The following NFIX variants were observed in gnomAD, a reference collection of about 807,000 sequenced individuals.
NFIX encodes nuclear factor I X.
A neutral mutation model predicts 53.3 loss-of-function variants in NFIX; 2 were observed. That is an observed-to-expected ratio of 0.04 (90% CI 0.02 to 0.12). The LOEUF (loss-of-function observed/expected upper bound fraction) is 0.12. Ranked by LOEUF, NFIX falls within the 10% of genes least tolerant of loss-of-function variation. NFIX has a pLI of 1.00. For synonymous variants in NFIX, 244 were observed against 289.0 expected, an observed-to-expected ratio of 0.84 and a Z score of 1.58; for missense variants, 310 against 674.5, an observed-to-expected ratio of 0.46 and a Z score of 5.99.
Position 13,052,325 on chromosome 19 carries a change from CAG to C in NFIX, c.560-20719_560-20718del, listed in dbSNP as rs1176676140. ...CAGGAATGGAGCCATCCTTAGGAGA[CAG>C]AGGCACACTGCTGGCCATCTAGGCT... On this transcript the variant is annotated intron_variant, in intron 2 of 10. Coordinates refer to ENST00000592199, the MANE Select transcript of NFIX (RefSeq NM_001365902.3). The surrounding 1 kb of genome is among the most constrained non-coding windows in gnomAD (Gnocchi z 5.2). Among the ~76,000 whole-genome samples, 1 of 152,186 alleles carries C rather than the reference CAG, an allele frequency of 6.6e-6. No homozygotes were observed. The highest frequency in any genetic ancestry group is 1.5e-5 in the Non-Finnish European group (1 of 68,040).
chr19:13,055,179 C>G (rs2145336551), intron 2 of NFIX, among the ~76,000 whole-genome samples: 1 of 152,164 alleles, frequency 6.6e-6, no homozygotes, highest in Non-Finnish European at 1.5e-5. Context: ...GAGGACCTGT[C>G]TGTGCCCTCC....
chr19:12,995,798 G>T lies in NFIX; in HGVS notation c.-40G>T. The T allele has an allele frequency of 1.0e-6, 1 of 967,246 alleles. No homozygotes were observed. Among genetic ancestry groups the T allele is most frequent in the East Asian group, 1.1e-4 (1 of 9,006 alleles). The allele number at this position is 967,246 out of a possible 1,614,324, so 59.9% of individuals were successfully genotyped here. A position where few individuals can be genotyped will look rare whatever the true frequency, so the allele number is the denominator to read the frequency against. ...GCCGCCGCCTGCCGGGCCTCCCCTCGCCGCGGCCGGCCGCCGCGCTCCCGC... is the reference window on the plus strand; with the variant it reads ...GCCGCCGCCTGCCGGGCCTCCCCTCTCCGCGGCCGGCCGCCGCGCTCCCGC... On this transcript the variant is annotated 5_prime_UTR_variant, in exon 1 of 11. Coordinates refer to ENST00000592199, the MANE Select transcript of NFIX (RefSeq NM_001365902.3).
At chr19:13,070,705 G>A (rs2016724117) in intron 2 of NFIX, 1 of 152,436 alleles carries the variant, frequency 6.6e-6, no homozygotes. Context: ...GCAGCGCCCG[G>A]AGGCGCGTGG....
rs1393769453 is a variant in NFIX, at chr19:13,088,129, A to G, written c.1395A>G (p.Pro465=). Residue 465 remains proline, a synonymous_variant, in exon 9 of 11, where the codon CCA becomes CCG. Transcript: ENST00000592199. This position sits in a 1 kb window ranked among gnomAD's most constrained non-coding sequence, Gnocchi z 5.9. ...CAGACGGCGCCGCCTTGACTCCTCC[A>G]TCACCTTGTAAGTGGACGATGAAAC... is the stretch of plus-strand genomic sequence containing the variant. The part of the protein sequence containing the change: ...TAPDGAALTP[P]SPSFATTGAS... The G allele has an allele frequency of 5.2e-6, 8 of 1,536,454 alleles. No individual in the cohort carries two copies. In the East Asian group the frequency reaches 7.3e-5, roughly 14 times the overall value.
intron 1 of NFIX, among the ~76,000 whole-genome samples, chr19:13,016,827 G>A (rs2012696999): frequency 6.6e-6 from 1 of 152,020 alleles, no homozygotes; most frequent in African/African-American, 2.4e-5. Context: ...AGCCCTTGCC[G>A]GGCTCCTTCC....
rs1000377521 is a variant in NFIX at position 13,038,203 on chromosome 19, G to A, written c.559+12651G>A. On this transcript the variant is annotated intron_variant, in intron 2 of 10. Coordinates refer to ENST00000592199, the MANE Select transcript of NFIX (RefSeq NM_001365902.3). ...ACAGTGCTGACAGCAAGCCCTGCCA[G>A]GCAGTATGGTATTGGTGTGGATCCT... Among the ~76,000 whole-genome samples the A allele has an allele frequency of 2.0e-5, 3 of 152,308 alleles. No homozygotes were observed. The South Asian group carries it at 6.2e-4, about 32-fold the overall frequency.
At position 13,090,421 on chromosome 19, in the gene NFIX, G is replaced by A; in HGVS notation, c.1494+31G>A. The A allele has an allele frequency of 6.3e-7, 1 of 1,594,380 alleles. No individual in the cohort carries two copies. The highest frequency in any genetic ancestry group is 1.1e-5 in the South Asian group (1 of 90,682). On this transcript the variant is annotated intron_variant, in intron 10 of 10. Transcript: ENST00000592199. The surrounding 1 kb of genome is among the most constrained non-coding windows in gnomAD (Gnocchi z 6.6). Reference sequence around the variant, plus strand: ...AGACCCTGCCCACCACCTGGATGCAGGGACCAGGGGAGTAGTCAGGGTTGG... The same window carrying A: ...AGACCCTGCCCACCACCTGGATGCAAGGACCAGGGGAGTAGTCAGGGTTGG...
intron 10 of NFIX, among the ~76,000 whole-genome samples, chr19:13,092,218 A>G (rs1599885184): frequency 6.6e-6 from 1 of 152,370 alleles, no homozygotes; most frequent in Non-Finnish European, 1.5e-5. Flanking sequence ...GAATGAGGGA[A>G]GAAAAGAGAA....
intron 2 of NFIX, among the ~76,000 whole-genome samples, chr19:13,035,969 G>A (rs1221115338): frequency 6.6e-6 from 1 of 152,216 alleles, no homozygotes; most frequent in African/African-American, 2.4e-5. Flanking sequence ...ATTCCTGGGA[G>A]GAGTGACCAA....
intron 2 of NFIX, among the ~76,000 whole-genome samples, chr19:13,054,265 G>A (rs1446570789): frequency 6.6e-6 from 1 of 152,212 alleles, no homozygotes; most frequent in African/African-American, 2.4e-5. Context: ...TGACTTTGGT[G>A]GGTTTCGCCG....
Position 13,052,306 on chromosome 19 carries a change from T to C in NFIX, c.560-20741T>C, listed in dbSNP as rs2015377819. ...AGATGTGCTCTTTTGTCTCCAGGAA[T>C]GGAGCCATCCTTAGGAGACAGAGGC... On this transcript the variant is annotated intron_variant, in intron 2 of 10. Coordinates refer to ENST00000592199, the MANE Select transcript of NFIX (RefSeq NM_001365902.3). The surrounding 1 kb of genome is among the most constrained non-coding windows in gnomAD (Gnocchi z 5.2). Among the ~76,000 whole-genome samples the C allele has an allele frequency of 6.6e-6, 1 of 152,132 alleles. No homozygotes were observed. The highest frequency in any genetic ancestry group is 1.5e-5 in the Non-Finnish European group (1 of 68,030).
At position 13,068,398 on chromosome 19, in the gene NFIX, G is replaced by A. The variant is rs2016563038; in HGVS notation, c.560-4649G>A. Among the ~76,000 whole-genome samples the A allele has an allele frequency of 1.3e-5, 2 of 152,222 alleles. No individual in the cohort carries two copies. Among genetic ancestry groups the A allele is most frequent in the Admixed American group, 6.5e-5 (1 of 15,282 alleles). On this transcript the variant is annotated intron_variant, in intron 2 of 10. Transcript: ENST00000592199. The surrounding 1 kb of genome is among the most constrained non-coding windows in gnomAD (Gnocchi z 4.2). ...GGGGAAAGGCAGCTGAATAAAAGAA[G>A]TAAGGTGGGGACTTGTTCCAGGGGC...
At chr19:13,039,711 G>A (rs1318457240) in intron 2 of NFIX, among the ~76,000 whole-genome samples, 3 of 152,216 alleles carry the variant, frequency 2.0e-5, no homozygotes, top group South Asian at 2.1e-4. Context: ...ATTTTGCTCC[G>A]TTGTGATACT....
chr19:12,995,545 C>G lies in NFIX; in HGVS notation c.-293C>G, dbSNP rs1196009448. 2.0e-5 allele frequency: 3 copies of G among 150,108 alleles called. No homozygotes were observed. The highest frequency in any genetic ancestry group is 7.4e-5 in the African/African-American group (3 of 40,448). The allele number at this position is 150,108 out of a possible 1,614,324, so 9.3% of individuals were successfully genotyped here. ...CGGCGGGCGAGGGTGACCGGCCGAG[C>G]GGCGGCGGCATGGAGTAGACGCGCG... On this transcript the variant is annotated 5_prime_UTR_variant, in exon 1 of 11. Coordinates refer to ENST00000592199, the MANE Select transcript of NFIX (RefSeq NM_001365902.3).
intron 10 of NFIX, among the ~76,000 whole-genome samples, chr19:13,092,469 T>C (rs554755226): frequency 1.3e-5 from 2 of 152,302 alleles, no homozygotes; most frequent in South Asian, 4.1e-4. Context: ...AGTCTGAGCA[T>C]TGGCAGTTGT....
At chr19:13,008,054 AAC>A (rs1335548615) in intron 1 of NFIX, among the ~76,000 whole-genome samples, 1 of 152,142 alleles carries the variant, frequency 6.6e-6, no homozygotes, top group East Asian at 1.9e-4. Flanking sequence ...ACATACAACA[AAC>A]ACACATGTTG....
At chr19:13,091,727 G>T (rs1324054819) in intron 10 of NFIX, among the ~76,000 whole-genome samples, 1 of 152,172 alleles carries the variant, frequency 6.6e-6, no homozygotes, top group Non-Finnish European at 1.5e-5. Context: ...ACAGCAGGCG[G>T]GCCTCCCCTC....
rs199631786 is a variant in NFIX, at chr19:13,075,649, G to A, written c.933G>A (p.Gly311=). The A allele has an allele frequency of 5.7e-5, 92 of 1,613,556 alleles. No homozygotes were observed. Among genetic ancestry groups the A allele is most frequent in the Non-Finnish European group, 1.1e-5 (13 of 1,179,780 alleles). Residue 311 remains glycine, a synonymous_variant, in exon 6 of 11, where the codon GGG becomes GGA. Coordinates refer to ENST00000592199, the MANE Select transcript of NFIX (RefSeq NM_001365902.3). The part of the protein sequence containing the change: ...SPAAGSSQSS[G]WPNDVDAGPA... ...CAGCTGGCAGCAGCCAGTCCAGCGG[G>A]TGGCCCAACGATGTGGATGCAGGTA... is the stretch of plus-strand genomic sequence containing the variant.
chr19:13,075,704 G>T, intron 6 of NFIX, 33 bp downstream of exon 6: 1 of 1,603,350 alleles, frequency 6.2e-7, no homozygotes, highest in South Asian at 1.1e-5. Context: ...CCCAGAGCAA[G>T]GGCAGCCCAG....
Sources: gnomAD v4.1 joint callset for allele counts (sites outside exome capture counted in the v4.1 genomes callset) on GRCh38, gnomAD v4.1.1 for gene constraint, Gnocchi (gnomAD v3.1) non-coding constraint, MANE v1.5 for transcripts, NCBI Gene and HGNC (gene_info 2026-07-23, HGNC 2026-07-21) for gene names.